The following CORIN variants were observed in gnomAD, a reference collection of about 807,000 sequenced individuals.
CORIN encodes atrial natriuretic peptide-converting enzyme.
In CORIN, 117 loss-of-function variants were observed where a neutral mutation model predicts 125.3. The observed-to-expected ratio is 0.93, with a 90% CI of 0.80 to 1.09. CORIN has a LOEUF of 1.09. Among genes scored for constraint, CORIN ranks in the 50% least tolerant of loss-of-function variants. The pLI is 0.00. For missense variants in CORIN, 1,253 were observed against 1,306.7 expected, an observed-to-expected ratio of 0.96 and a Z score of 0.63; for synonymous variants, 450 against 466.4, an observed-to-expected ratio of 0.96 and a Z score of 0.45.
rs1159343131 is a variant in CORIN, at chr4:47,786,942, AAC to A, written c.209-19_209-18del. The A allele has an allele frequency of 3.2e-6, 5 of 1,550,158 alleles. No individual in the cohort carries two copies. In the Admixed American group the frequency reaches 7.2e-5, roughly 22 times the overall value. On this transcript the variant is annotated intron_variant, in intron 2 of 21. Coordinates refer to ENST00000273857, the MANE Select transcript of CORIN (RefSeq NM_006587.4). ...GTAATGTTCCTGAAAGACAAAAACA[AAC>A]ACAAAAAAAACCTATCTTTGAAACA...
At chr4:47,643,045 A>T in intron 15 of CORIN, 101 bp downstream of exon 15, 3 of 1,580,998 alleles carry the variant, frequency 1.9e-6, no homozygotes, top group Non-Finnish European at 2.6e-6. Flanking sequence ...AAAATAGATG[A>T]ACTTGGTCAG....
chr4:47,763,402 C>T lies in CORIN; in HGVS notation c.594G>A (p.Glu198=), dbSNP rs766240068. 9 of 1,613,844 alleles carry T rather than the reference C, an allele frequency of 5.6e-6. No homozygotes were observed. Among genetic ancestry groups the T allele is most frequent in the Non-Finnish European group, 7.6e-6 (9 of 1,179,832 alleles). Residue 198 remains glutamate, a synonymous_variant, in exon 4 of 22, where the codon GAG becomes GAA. Transcript: ENST00000273857. ...ACCTGTCATCGCCATCAATGATGCA[C>T]TCAGGGAAGGCGAGGGTACAGCCAA... ...MLFGCTLAFP[E]CIIDGDDSHG... is the part of the protein sequence containing the mutation.
Position 47,684,032 on chromosome 4 carries a change from A to C in CORIN, c.914-194T>G, listed in dbSNP as rs138002254. 3.0e-3 allele frequency among the ~76,000 whole-genome samples: 458 copies of C among 152,320 alleles called. 1 individual carries two copies. The highest frequency in any genetic ancestry group is 0.01 in the Middle Eastern group (3 of 294). ...AAGGCCACTTGAACAGTGGCTCCCA[A>C]GCCAAGTGATTTTATCACTTTCTGA... On this transcript the variant is annotated intron_variant, in intron 6 of 21. Coordinates refer to ENST00000273857, the MANE Select transcript of CORIN (RefSeq NM_006587.4).
At chr4:47,706,746 C>T (rs1212444591) in intron 5 of CORIN, 3 of 1,601,398 alleles carry the variant, frequency 1.9e-6, no homozygotes, top group Non-Finnish European at 2.5e-6. Flanking sequence ...GGTGAAGATT[C>T]CACATACAAA....
chr4:47,618,559 C>T (rs943791776), intron 19 of CORIN, among the ~76,000 whole-genome samples: 2 of 151,982 alleles, frequency 1.3e-5, no homozygotes, highest in Non-Finnish European at 2.9e-5. Context: ...GTGGCTCACG[C>T]CTGTAATCCC....
chr4:47,761,074 A>G (rs991267374), intron 4 of CORIN, among the ~76,000 whole-genome samples: 4 of 152,236 alleles, frequency 2.6e-5, no homozygotes, highest in African/African-American at 9.6e-5. Context: ...CCAGACCACA[A>G]AAACTTTCTC....
rs149880325 is a variant in CORIN, at chr4:47,788,095, C to T, written c.209-1170G>A. Reference sequence around the variant, plus strand: ...AGCAGATTGTGTTTCCAGAATATCGCACTGTACTTGAGCATGCCACGAAAA... The same window carrying T: ...AGCAGATTGTGTTTCCAGAATATCGTACTGTACTTGAGCATGCCACGAAAA... On this transcript the variant is annotated intron_variant, in intron 2 of 21. Transcript: ENST00000273857. 1.4e-3 allele frequency among the ~76,000 whole-genome samples: 210 copies of T among 152,248 alleles called. 1 individual carries two copies. The highest frequency in any genetic ancestry group is 4.9e-3 in the African/African-American group (205 of 41,518).
intron 10 of CORIN, among the ~76,000 whole-genome samples, chr4:47,667,778 G>A (rs567499495): frequency 2.0e-5 from 3 of 152,254 alleles, no homozygotes; most frequent in East Asian, 3.9e-4. Flanking sequence ...AAGACTAGAC[G>A]GAAGAGGTTT....
intron 5 of CORIN, among the ~76,000 whole-genome samples, chr4:47,709,418 A>C (rs1017588420): frequency 8.6e-5 from 13 of 152,042 alleles, no homozygotes; most frequent in South Asian, 4.2e-4. Flanking sequence ...CTCAGTCCCC[A>C]AGTAGCTGGG....
chr4:47,631,272 A>G (rs1430148834), intron 16 of CORIN, among the ~76,000 whole-genome samples: 1 of 152,170 alleles, frequency 6.6e-6, no homozygotes, highest in African/African-American at 2.4e-5. Context: ...GTTAGGAACC[A>G]GGCCACACAG....
intron 19 of CORIN, among the ~76,000 whole-genome samples, chr4:47,604,262 T>A (rs1318399354): frequency 2.0e-5 from 3 of 152,226 alleles, no homozygotes; most frequent in Non-Finnish European, 4.4e-5. Flanking sequence ...TCATGGACCT[T>A]TCCCTCTCAG....
intron 5 of CORIN, among the ~76,000 whole-genome samples, chr4:47,707,603 A>C (rs1007616544): frequency 3.3e-5 from 5 of 152,260 alleles, no homozygotes; most frequent in Admixed American, 6.5e-5. Flanking sequence ...CAGGACCTTA[A>C]GAGATGAAGC....
chr4:47,707,102 T>C, intron 5 of CORIN: 1 of 1,415,684 alleles, frequency 7.1e-7, no homozygotes, highest in Non-Finnish European at 9.2e-7. Context: ...GAATGCTTTG[T>C]CAAATTAAGA....
intron 19 of CORIN, among the ~76,000 whole-genome samples, chr4:47,616,172 T>C (rs1041511248): frequency 6.6e-6 from 1 of 152,166 alleles, no homozygotes; most frequent in Non-Finnish European, 1.5e-5. Context: ...TGGGTGGTGG[T>C]GATTGGGTGG....
intron 1 of CORIN, among the ~76,000 whole-genome samples, chr4:47,832,309 T>G (rs1180276009): frequency 6.6e-6 from 1 of 152,186 alleles, no homozygotes; most frequent in Non-Finnish European, 1.5e-5. Context: ...AACAAATGCC[T>G]AGGCCACGTA....
intron 8 of CORIN, chr4:47,679,565 T>A (rs1725171103): frequency 6.6e-6 from 1 of 152,376 alleles, no homozygotes. Flanking sequence ...TTGGCCAGGC[T>A]GGTCTCAAAC....
intron 2 of CORIN, among the ~76,000 whole-genome samples, chr4:47,799,576 G>A (rs1490189521): frequency 1.3e-5 from 2 of 152,088 alleles, no homozygotes; most frequent in Non-Finnish European, 2.9e-5. Context: ...AGAAGCATCT[G>A]TTCATGTATT....
chr4:47,619,276 C>T (rs1722206224), intron 19 of CORIN, among the ~76,000 whole-genome samples: 2 of 152,142 alleles, frequency 1.3e-5, no homozygotes, highest in African/African-American at 4.8e-5. Flanking sequence ...GCAAAACAAA[C>T]TTGTCTTTTT....
chr4:47,626,595 C>T (rs913325979), intron 16 of CORIN, 74 bp from the exon 17 acceptor site: 30 of 914,414 alleles, frequency 3.3e-5, no homozygotes, highest in Non-Finnish European at 5.1e-5. Context: ...TTATTTAGCA[C>T]TCATTCCCTT....
Sources: allele counts gnomAD v4.1 joint callset (sites outside exome capture counted in the v4.1 genomes callset), GRCh38; gene constraint gnomAD v4.1.1; transcripts MANE v1.5; gene names NCBI Gene and HGNC (gene_info 2026-07-23, HGNC 2026-07-21).